The following ARHGEF3 variants were observed in gnomAD, a reference collection of about 807,000 sequenced individuals.
ARHGEF3 encodes the protein 59.8 kDA protein.
A neutral mutation model predicts 63.2 loss-of-function variants in ARHGEF3; 28 were observed. That is an observed-to-expected ratio of 0.44 (90% CI 0.33 to 0.61). ARHGEF3 has a LOEUF of 0.61. ARHGEF3 is among the 20% of genes least tolerant of loss of function. The pLI is 0.03. For missense variants in ARHGEF3, 533 were observed against 659.3 expected, an observed-to-expected ratio of 0.81 and a Z score of 2.10; for synonymous variants, 266 against 254.2, an observed-to-expected ratio of 1.05 and a Z score of -0.44.
intron 1 of ARHGEF3, among the ~76,000 whole-genome samples, chr3:57,051,729 C>A (rs1282669976): frequency 1.3e-5 from 2 of 151,246 alleles, no homozygotes; most frequent in Non-Finnish European, 3.0e-5. Flanking sequence ...TTTGGGAGGC[C>A]GAGGTGGGTG....
intron 4 of ARHGEF3, among the ~76,000 whole-genome samples, chr3:56,819,331 T>C (rs1299907641): frequency 6.6e-6 from 1 of 152,178 alleles, no homozygotes; most frequent in Non-Finnish European, 1.5e-5. Context: ...AGGTCCAGAA[T>C]AGTCCCTCCC....
At chr3:56,795,720 C>A (rs1444945594) in intron 1 of ARHGEF3, among the ~76,000 whole-genome samples, 1 of 148,436 alleles carries the variant, frequency 6.7e-6, no homozygotes, top group African/African-American at 2.5e-5. Flanking sequence ...CGGCTCACTG[C>A]AATCTCTGCC....
At chr3:56,854,554 C>T (rs2039801225) in intron 4 of ARHGEF3, among the ~76,000 whole-genome samples, 1 of 152,020 alleles carries the variant, frequency 6.6e-6, no homozygotes, top group Non-Finnish European at 1.5e-5. Context: ...GGCAGATCTC[C>T]AAGTTAGCAG....
At chr3:57,044,834 G>A (rs6781628) in intron 1 of ARHGEF3, among the ~76,000 whole-genome samples, 137,405 of 152,210 alleles carry the variant, frequency 0.9, 63,670 homozygotes, top group East Asian at 1. Flanking sequence ...CAGGATGCCT[G>A]TCTTTAGGCC....
intron 7 of ARHGEF3, among the ~76,000 whole-genome samples, chr3:56,743,043 T>C: frequency 6.6e-6 from 1 of 152,212 alleles, no homozygotes; most frequent in East Asian, 1.9e-4. Context: ...TCCCTGTTGT[T>C]TTTATTCCTG....
chr3:57,072,010 A>C (rs1427413530), intron 1 of ARHGEF3, among the ~76,000 whole-genome samples: 4 of 152,240 alleles, frequency 2.6e-5, no homozygotes, highest in Non-Finnish European at 1.5e-5. Context: ...CAATAAGCAC[A>C]TGAAAGAAGG....
chr3:56,779,883 C>T (rs1259035769), intron 1 of ARHGEF3, among the ~76,000 whole-genome samples: 4 of 152,162 alleles, frequency 2.6e-5, no homozygotes, highest in African/African-American at 4.8e-5. Context: ...GGGGAAATAA[C>T]CTCGTAATAC....
intron 2 of ARHGEF3, among the ~76,000 whole-genome samples, chr3:57,007,790 T>C (rs535882019): frequency 6.6e-6 from 1 of 152,192 alleles, no homozygotes; most frequent in Non-Finnish European, 1.5e-5. Context: ...ACTTCTCTCC[T>C]TATTACGAGC....
intron 2 of ARHGEF3, among the ~76,000 whole-genome samples, chr3:57,031,277 T>C (rs1484399351): frequency 6.6e-6 from 1 of 152,192 alleles, no homozygotes; most frequent in African/African-American, 2.4e-5. Flanking sequence ...ACATCTAAGA[T>C]GAGAAATTGT....
intron 1 of ARHGEF3, among the ~76,000 whole-genome samples, chr3:57,068,032 G>C (rs1257301818): frequency 6.6e-6 from 1 of 152,000 alleles, no homozygotes; most frequent in Admixed American, 6.6e-5. Flanking sequence ...AAATTAGCCG[G>C]TGTGGTGGCA....
intron 2 of ARHGEF3, among the ~76,000 whole-genome samples, chr3:57,025,622 C>G (rs779131719): frequency 2.2e-4 from 34 of 152,212 alleles, no homozygotes; most frequent in Non-Finnish European, 4.7e-4. Flanking sequence ...CTAACCCTGT[C>G]CTAAAGCCAG....
chr3:56,919,271 A>G (rs963961135), intron 3 of ARHGEF3, among the ~76,000 whole-genome samples: 1 of 152,224 alleles, frequency 6.6e-6, no homozygotes, highest in African/African-American at 2.4e-5. Flanking sequence ...TATGGGCCAC[A>G]TAACACAGTT....
intron 1 of ARHGEF3, among the ~76,000 whole-genome samples, chr3:56,792,122 A>G (rs1559943405): frequency 1.4e-5 from 2 of 140,132 alleles, no homozygotes. Context: ...AAAAAAGAAA[A>G]GAAAAGAAAA....
chr3:56,849,328 G>T (rs2108139454), intron 4 of ARHGEF3, among the ~76,000 whole-genome samples: 1 of 152,222 alleles, frequency 6.6e-6, no homozygotes, highest in Admixed American at 6.5e-5. Context: ...GTTTGATGAG[G>T]TTTTTTCCAG....
At position 56,968,070 on chromosome 3, in the gene ARHGEF3, A is replaced by AAT. The variant is rs1560093475; in HGVS notation, c.63-9183_63-9182dup. ...TATATATAATATATATAATATATAT[A>AAT]ATATATTATATATTTATTATACATA... On this transcript the variant is annotated intron_variant, in intron 2 of 12. Transcript: ENST00000338458. Among the ~76,000 whole-genome samples, 3 of 58,382 alleles carry AAT rather than the reference A, an allele frequency of 5.1e-5. No homozygotes were observed. The East Asian group carries it at 2.0e-3, about 40-fold the overall frequency. 38.3% of individuals were successfully genotyped at this position (58,382 alleles called of 152,430 possible).
chr3:57,064,931 G>A (rs1215322766), intron 1 of ARHGEF3, among the ~76,000 whole-genome samples: 2 of 152,170 alleles, frequency 1.3e-5, no homozygotes, highest in South Asian at 4.1e-4. Flanking sequence ...TAAATTTTAC[G>A]TTATGTGTGT....
At chr3:57,073,628 A>G in intron 1 of ARHGEF3, 1 of 1,534,970 alleles carries the variant, frequency 6.5e-7, no homozygotes, top group South Asian at 1.3e-5. Flanking sequence ...CATGCTCCTC[A>G]GGGATTGGCT....
chr3:56,855,487 C>T (rs2108164313), intron 4 of ARHGEF3, among the ~76,000 whole-genome samples: 1 of 151,992 alleles, frequency 6.6e-6, no homozygotes, highest in East Asian at 1.9e-4. Context: ...AGTTCAAGAC[C>T]AGCCTGGCCA....
At chr3:56,890,316 C>T (rs1390643425) in intron 3 of ARHGEF3, among the ~76,000 whole-genome samples, 4 of 152,156 alleles carry the variant, frequency 2.6e-5, no homozygotes, top group African/African-American at 9.7e-5. Flanking sequence ...GTATGGGATA[C>T]GTCAGTGTCT....
Sources: gnomAD v4.1 joint callset for allele counts (sites outside exome capture counted in the v4.1 genomes callset) on GRCh38, gnomAD v4.1.1 for gene constraint, MANE v1.5 for transcripts, NCBI Gene and HGNC (gene_info 2026-07-23, HGNC 2026-07-21) for gene names.